TAF5L: variants seen among roughly 807,000 people sequenced by gnomAD.
TAF5L encodes the protein TAF5-like RNA polymerase II p300/CBP-associated factor-associated factor 65 kDa subunit 5L.
TAF5L carries 7 observed loss-of-function variants against 51.3 expected under a neutral mutation model. The observed-to-expected ratio is 0.14, with a 90% CI of 0.08 to 0.26. The LOEUF is 0.26. Ranked by LOEUF, TAF5L falls within the 10% of genes least tolerant of loss-of-function variation. The pLI, the probability that TAF5L is intolerant of heterozygous loss-of-function variation, is 1.00. For synonymous variants in TAF5L, 291 were observed against 308.1 expected (o/e 0.94, Z 0.58); for missense variants, 575 against 758.9 (o/e 0.76, Z 2.85).
chr1:229,594,823 C>T lies in TAF5L; in HGVS notation c.1244G>A (p.Arg415Gln), dbSNP rs1664057223. 4.3e-6 allele frequency: 7 copies of T among 1,614,176 alleles called. No homozygotes were observed. The highest frequency in any genetic ancestry group is 1.1e-5 in the South Asian group (1 of 91,082). Residue 415 changes from arginine (R) to glutamine (Q), a missense_variant, in exon 5 of 5, where the codon CGG becomes CAG. Around this residue, in one of 3 missense-constraint regions of TAF5L, gnomAD observed 104 missense variants for 218.3 expected, o/e 0.48. Transcript: ENST00000258281. The surrounding 1 kb of genome is among the most constrained non-coding windows in gnomAD (Gnocchi z 7.9). The stretch of plus-strand genomic sequence containing the variant: ...TGCATATATCCTCAGCGGGTACGTC[C>T]GATCAAATGACCACAGCCTGGCGGT...
intron 1 of TAF5L, among the ~76,000 whole-genome samples, chr1:229,615,261 G>A (rs540999736): frequency 6.6e-5 from 10 of 152,032 alleles, no homozygotes; most frequent in African/African-American, 2.2e-4. Context: ...CTAATTTTTT[G>A]TATTTTTAGT....
intron 4 of TAF5L, among the ~76,000 whole-genome samples, chr1:229,596,590 T>C (rs578211393): frequency 2.6e-4 from 40 of 152,306 alleles, no homozygotes; most frequent in African/African-American, 8.7e-4. Flanking sequence ...TAATTTCCTG[T>C]GTGTGACGAC....
intron 1 of TAF5L, among the ~76,000 whole-genome samples, chr1:229,620,588 C>A (rs1041985971): frequency 6.6e-6 from 1 of 152,178 alleles, no homozygotes; most frequent in Admixed American, 6.5e-5. Flanking sequence ...TGAAACTCAT[C>A]ATAAAAATAA....
At chr1:229,613,869 G>C (rs112089967) in intron 2 of TAF5L, among the ~76,000 whole-genome samples, 143 of 152,156 alleles carry the variant, frequency 9.4e-4, no homozygotes, top group African/African-American at 3.0e-3. Flanking sequence ...AAAACTTCAG[G>C]AATGTGTCTA....
At chr1:229,614,035 T>C (rs188134305) in intron 2 of TAF5L, 2 of 602,052 alleles carry the variant, frequency 3.3e-6, no homozygotes, top group East Asian at 5.5e-5. Flanking sequence ...AGGTTAATTG[T>C]TTACAGAAGG....
At chr1:229,600,242 A>AT in intron 4 of TAF5L, 1 of 985,350 alleles carries the variant, frequency 1.0e-6, no homozygotes, top group Non-Finnish European at 1.2e-6. Context: ...AATTGCTGTG[A>AT]TAAAATGGGC....
In TAF5L at chr1:229,602,057, G is replaced by T; in HGVS notation, c.972+138C>A. ...ATGTGCAGGAATTCAATGGCTACAGGTAACATGTCATTAGTCTGGCTTTAG... is the reference window on the plus strand; with the variant it reads ...ATGTGCAGGAATTCAATGGCTACAGTTAACATGTCATTAGTCTGGCTTTAG... On this transcript the variant is annotated intron_variant, in intron 4 of 4. Coordinates refer to ENST00000258281, the Ensembl canonical transcript of TAF5L. The surrounding 1 kb of genome is among the most constrained non-coding windows in gnomAD (Gnocchi z 4.6). The T allele has an allele frequency of 2.0e-6, 3 of 1,490,184 alleles. No individual in the cohort carries two copies. The highest frequency in any genetic ancestry group is 2.7e-6 in the Non-Finnish European group (3 of 1,121,920). The allele number at this position is 1,490,184 out of a possible 1,614,324, so 92.3% of individuals were successfully genotyped here.
Position 229,594,052 on chromosome 1 carries a change from T to C in TAF5L, c.*245A>G. The stretch of plus-strand genomic sequence containing the variant: ...TCACGGCAGAGTCTCCATGAGGACT[T>C]GTGAGTGACCTCCAGGGCACTCTAA... On this transcript the variant is annotated 3_prime_UTR_variant, in exon 5 of 5. Transcript: ENST00000258281. The surrounding 1 kb of genome is among the most constrained non-coding windows in gnomAD (Gnocchi z 7.9). 1 of 465,908 alleles carries C rather than the reference T, an allele frequency of 2.1e-6. No individual in the cohort carries two copies. The highest frequency in any genetic ancestry group is 4.1e-5 in the East Asian group (1 of 24,142). 28.9% of individuals were successfully genotyped at this position (465,908 alleles called of 1,614,324 possible).
At chr1:229,607,533 A>T in intron 3 of TAF5L, 1 of 967,934 alleles carries the variant, frequency 1.0e-6, no homozygotes, top group Non-Finnish European at 1.2e-6. Context: ...ACTGAAACTC[A>T]ATCCATCCTT....
At chr1:229,606,498 T>C in intron 3 of TAF5L, 1 of 985,318 alleles carries the variant, frequency 1.0e-6, no homozygotes, top group South Asian at 4.7e-5. Flanking sequence ...GTAAAAAGGA[T>C]ACTAAATTAA....
At position 229,601,187 on chromosome 1, in the gene TAF5L, G is replaced by A. The variant is rs558871759; in HGVS notation, c.972+1008C>T. On this transcript the variant is annotated intron_variant, in intron 4 of 4. Transcript: ENST00000258281. ...CAAAAATTCAAAGGCCATCCTAACT[G>A]GAAGTGGACTCAGAAAACAGGAACA... The A allele has an allele frequency of 7.9e-4, 774 of 985,164 alleles. 1 individual carries two copies. The highest frequency in any genetic ancestry group is 8.8e-4 in the Non-Finnish European group (727 of 829,882). The allele number at this position is 985,164 out of a possible 1,614,324, so 61.0% of individuals were successfully genotyped here. A position where few individuals can be genotyped will look rare whatever the true frequency, so the allele number is the denominator to read the frequency against.
intron 2 of TAF5L, among the ~76,000 whole-genome samples, chr1:229,610,715 TCTC>T (rs974955643): frequency 6.6e-6 from 1 of 152,158 alleles, no homozygotes; most frequent in Non-Finnish European, 1.5e-5. Flanking sequence ...TTAATTTTTT[TCTC>T]CTATTACTCC....
At chr1:229,607,253 GC>G in intron 3 of TAF5L, 5 of 985,348 alleles carry the variant, frequency 5.1e-6, no homozygotes, top group Non-Finnish European at 6.0e-6. Flanking sequence ...TAAAGCTCCT[GC>G]CTTCCAGTTC....
intron 3 of TAF5L, among the ~76,000 whole-genome samples, chr1:229,609,780 GTGC>G (rs1203346101): frequency 6.7e-6 from 1 of 149,566 alleles, no homozygotes; most frequent in African/African-American, 2.5e-5. Context: ...ACAAGTCACT[GTGC>G]TGAAGGCCAT....
chr1:229,600,479 A>G (rs1294590940), intron 4 of TAF5L: 6 of 985,280 alleles, frequency 6.1e-6, no homozygotes, highest in Non-Finnish European at 7.2e-6. Context: ...CTGAAACACA[A>G]ACGTCACCCT....
rs1571823674 is a variant in TAF5L, at chr1:229,594,038, T to G, written c.*259A>C. 2.4e-6 allele frequency: 1 copy of G among 414,988 alleles called. No individual in the cohort carries two copies. Among genetic ancestry groups the G allele is most frequent in the Non-Finnish European group, 4.5e-6 (1 of 224,508 alleles). The allele number at this position is 414,988 out of a possible 1,614,324, so 25.7% of individuals were successfully genotyped here. On this transcript the variant is annotated 3_prime_UTR_variant, in exon 5 of 5. Coordinates refer to ENST00000258281, the Ensembl canonical transcript of TAF5L. This position sits in a 1 kb window ranked among gnomAD's most constrained non-coding sequence, Gnocchi z 7.9. The stretch of plus-strand genomic sequence containing the variant: ...TCGCATGCGCGAGGTCACGGCAGAG[T>G]CTCCATGAGGACTTGTGAGTGACCT...
At chr1:229,603,748 G>A (rs1459535548) in intron 3 of TAF5L, among the ~76,000 whole-genome samples, 1 of 152,228 alleles carries the variant, frequency 6.6e-6, no homozygotes, top group South Asian at 2.1e-4. Context: ...AAGGTGTACA[G>A]CTTGAATTCA....
chr1:229,620,958 G>A (rs1056625503), intron 1 of TAF5L, among the ~76,000 whole-genome samples: 3 of 56,858 alleles, frequency 5.3e-5, no homozygotes, highest in African/African-American at 9.6e-5. Flanking sequence ...AAACATTTAT[G>A]TGTGTGTGTG....
At chr1:229,620,475 G>A (rs1010133397) in intron 1 of TAF5L, among the ~76,000 whole-genome samples, 38 of 152,250 alleles carry the variant, frequency 2.5e-4, no homozygotes, top group Non-Finnish European at 2.9e-4. Context: ...TTACAACCAA[G>A]CCTAAATCAC....
Sources: gnomAD v4.1 joint callset for allele counts (sites outside exome capture counted in the v4.1 genomes callset) on GRCh38, gnomAD v4.1.1 for gene constraint, gnomAD v4.1.1 regional missense constraint, Gnocchi (gnomAD v3.1) non-coding constraint, MANE v1.5 for transcripts, NCBI Gene and HGNC (gene_info 2026-07-23, HGNC 2026-07-21) for gene names.